The following RAI14 variants were observed in gnomAD, a reference collection of about 807,000 sequenced individuals.
The protein encoded by RAI14 is ankycorbin.
RAI14 carries 45 observed loss-of-function variants against 115.4 expected under a neutral mutation model. That is an observed-to-expected ratio of 0.39 (90% confidence interval 0.31 to 0.50). RAI14 has a LOEUF of 0.50. Ranked by LOEUF, RAI14 falls within the 20% of genes least tolerant of loss-of-function variation. RAI14 has a pLI of 0.85. For synonymous variants in RAI14, 371 were observed against 415.4 expected (o/e 0.89, Z 1.30); for missense variants, 939 against 1,131.2 (o/e 0.83, Z 2.44).
chr5:34,658,251 G>T (rs1477768599), intron 1 of RAI14, among the ~76,000 whole-genome samples: 4 of 152,144 alleles, frequency 2.6e-5, no homozygotes, highest in Admixed American at 6.5e-5. Context: ...ATTCCGTAGG[G>T]GAATGATGTA....
At chr5:34,690,203 T>A (rs1327337887) in intron 2 of RAI14, among the ~76,000 whole-genome samples, 3 of 152,200 alleles carry the variant, frequency 2.0e-5, no homozygotes, top group Admixed American at 6.5e-5. Context: ...TACATTCAGT[T>A]GAATGAAGCA....
intron 2 of RAI14, among the ~76,000 whole-genome samples, chr5:34,749,275 A>C (rs939244738): frequency 6.6e-6 from 1 of 152,234 alleles, no homozygotes; most frequent in Non-Finnish European, 1.5e-5. Flanking sequence ...AGAGCATTCT[A>C]ATTGGTGATG....
intron 2 of RAI14, among the ~76,000 whole-genome samples, chr5:34,746,956 C>G (rs1746324952): frequency 6.6e-6 from 1 of 152,122 alleles, no homozygotes; most frequent in Admixed American, 6.5e-5. Context: ...GGGATTTCTG[C>G]TTTTGCTTCT....
At chr5:34,732,760 C>CAT (rs146052636) in intron 2 of RAI14, among the ~76,000 whole-genome samples, 4 of 147,912 alleles carry the variant, frequency 2.7e-5, no homozygotes, top group Admixed American at 6.8e-5. Flanking sequence ...TATATGTATA[C>CAT]ATATATATAT....
At chr5:34,728,450 G>A (rs900810562) in intron 2 of RAI14, 7 of 152,134 alleles carry the variant, frequency 4.6e-5, no homozygotes, top group African/African-American at 1.7e-4. Flanking sequence ...CTCACTCCAT[G>A]GGAGGGACCC....
rs549436334 is a variant in RAI14 at position 34,777,741 on chromosome 5, T to G, written c.168-18198T>G. ...TGGCAGTGAGCCGAGATCGTGCTAT[T>G]GCACTCCAGCCTGGGCAACAGAGCG... On this transcript the variant is annotated intron_variant, in intron 3 of 17. Coordinates refer to ENST00000265109, the MANE Select transcript of RAI14 (RefSeq NM_015577.3). 7.9e-4 allele frequency among the ~76,000 whole-genome samples: 120 copies of G among 152,236 alleles called. 1 individual carries two copies. The highest frequency in any genetic ancestry group is 2.7e-3 in the African/African-American group (114 of 41,534).
intron 3 of RAI14, among the ~76,000 whole-genome samples, chr5:34,763,818 G>C (rs555868481): frequency 1.3e-5 from 2 of 152,162 alleles, no homozygotes; most frequent in Non-Finnish European, 2.9e-5. Context: ...GGCAAATGGG[G>C]TTCAGGTAAC....
chr5:34,779,822 C>G (rs1751378953), intron 3 of RAI14, among the ~76,000 whole-genome samples: 1 of 152,108 alleles, frequency 6.6e-6, no homozygotes, highest in South Asian at 2.1e-4. Context: ...TCATTGCCAT[C>G]CCCATCAAGC....
chr5:34,794,963 C>T (rs900701921), intron 3 of RAI14, among the ~76,000 whole-genome samples: 1 of 152,150 alleles, frequency 6.6e-6, no homozygotes, highest in South Asian at 2.1e-4. Context: ...CCTGAGGGCA[C>T]ATCCCTAAAA....
chr5:34,708,763 G>C (rs1222664617), intron 2 of RAI14, among the ~76,000 whole-genome samples: 1 of 152,176 alleles, frequency 6.6e-6, no homozygotes, highest in East Asian at 1.9e-4. Flanking sequence ...GGGGGTAATT[G>C]ATTATAAAAG....
chr5:34,739,528 A>T (rs1161224542), intron 2 of RAI14, among the ~76,000 whole-genome samples: 1 of 152,222 alleles, frequency 6.6e-6, no homozygotes, highest in Non-Finnish European at 1.5e-5. Context: ...TGTCAAGATA[A>T]TAACATTCAA....
At chr5:34,779,932 A>G (rs1467526483) in intron 3 of RAI14, among the ~76,000 whole-genome samples, 2 of 152,192 alleles carry the variant, frequency 1.3e-5, no homozygotes, top group Non-Finnish European at 2.9e-5. Context: ...AAGCCAAAAA[A>G]ACAAAGCTGG....
At chr5:34,813,972 C>T (rs1177935697) in intron 11 of RAI14, among the ~76,000 whole-genome samples, 1 of 151,986 alleles carries the variant, frequency 6.6e-6, no homozygotes, top group Non-Finnish European at 1.5e-5. Flanking sequence ...ATTTTTAGTT[C>T]CTTATGTTAA....
intron 3 of RAI14, among the ~76,000 whole-genome samples, chr5:34,795,067 T>C (rs911090242): frequency 6.6e-6 from 1 of 152,196 alleles, no homozygotes; most frequent in African/African-American, 2.4e-5. Flanking sequence ...TTTGCAGCCA[T>C]CTTGGCCTCT....
chr5:34,747,523 AAC>A (rs1372481465), intron 2 of RAI14, among the ~76,000 whole-genome samples: 3 of 152,210 alleles, frequency 2.0e-5, no homozygotes, highest in African/African-American at 7.2e-5. Context: ...ACATAAGATA[AAC>A]ACACACATAC....
chr5:34,775,463 T>A (rs1366798556), intron 3 of RAI14, among the ~76,000 whole-genome samples: 1 of 152,182 alleles, frequency 6.6e-6, no homozygotes, highest in African/African-American at 2.4e-5. Context: ...ACAGTTGCAG[T>A]GGCTCATGCC....
chr5:34,708,560 T>TA (rs949739640), intron 2 of RAI14, among the ~76,000 whole-genome samples: 17 of 152,178 alleles, frequency 1.1e-4, no homozygotes, highest in African/African-American at 4.1e-4. Flanking sequence ...TGTCAGCAGT[T>TA]AAAAAATTGT....
chr5:34,665,792 G>A (rs906676293), intron 1 of RAI14, among the ~76,000 whole-genome samples: 1 of 152,038 alleles, frequency 6.6e-6, no homozygotes, highest in African/African-American at 2.4e-5. Flanking sequence ...AATTACAAGG[G>A]CTCTATTTTT....
At chr5:34,738,036 T>C (rs1745077820) in intron 2 of RAI14, among the ~76,000 whole-genome samples, 1 of 152,226 alleles carries the variant, frequency 6.6e-6, no homozygotes, top group African/African-American at 2.4e-5. Flanking sequence ...TCTTAGGAAC[T>C]GTGCCATTTC....
Sources: allele counts gnomAD v4.1 joint callset (sites outside exome capture counted in the v4.1 genomes callset), GRCh38; gene constraint gnomAD v4.1.1; transcripts MANE v1.5; gene names NCBI Gene and HGNC (gene_info 2026-07-23, HGNC 2026-07-21).